Variants in STRN observed in about 807,000 individuals in gnomAD.
STRN encodes the protein protein phosphatase 2 regulatory subunit B'''alpha.
In STRN, 53 loss-of-function variants were observed where a neutral mutation model predicts 96.3. That is an observed-to-expected ratio of 0.55 (90% CI 0.44 to 0.69). The LOEUF is 0.69. Among genes scored for constraint, STRN ranks in the 30% least tolerant of loss-of-function variants. STRN has a pLI of 0.00. For synonymous variants in STRN, 428 were observed against 355.9 expected, an observed-to-expected ratio of 1.20 and a Z score of -2.28; for missense variants, 987 against 963.9, an observed-to-expected ratio of 1.02 and a Z score of -0.32.
intron 1 of STRN, among the ~76,000 whole-genome samples, chr2:36,928,695 A>C (rs1424276588): frequency 6.7e-6 from 1 of 150,118 alleles, no homozygotes; most frequent in Non-Finnish European, 1.5e-5. Context: ...CTGTAATCCC[A>C]GCACTTTGGG....
At chr2:36,875,865 G>C (rs748779464) in intron 10 of STRN, among the ~76,000 whole-genome samples, 4 of 152,114 alleles carry the variant, frequency 2.6e-5, no homozygotes, top group Non-Finnish European at 4.4e-5. Flanking sequence ...CACTGTGTTA[G>C]CCAGGATGGT....
intron 2 of STRN, 130 bp downstream of exon 2, chr2:36,924,975 G>C (rs535341621): frequency 2.9e-6 from 2 of 696,486 alleles, no homozygotes; most frequent in East Asian, 2.9e-5. Context: ...AGAATTGCTT[G>C]AAACCGGGAG....
At chr2:36,904,593 G>A (rs1039066376) in intron 4 of STRN, among the ~76,000 whole-genome samples, 3 of 152,192 alleles carry the variant, frequency 2.0e-5, no homozygotes, top group Admixed American at 1.3e-4. Context: ...TTGGGAGGCC[G>A]AGGTGGGGAG....
chr2:36,964,794 A>G (rs1325785767), intron 1 of STRN, among the ~76,000 whole-genome samples: 1 of 152,170 alleles, frequency 6.6e-6, no homozygotes, highest in Non-Finnish European at 1.5e-5. Context: ...ATTATATTCT[A>G]TAGGCGCATT....
rs886993128 is a variant in STRN at position 36,839,256 on chromosome 2, C to A, written c.*10200G>T. On this transcript the variant is annotated 3_prime_UTR_variant, in exon 18 of 18. Transcript: ENST00000263918. ...CTGCTCTATTTTTTTTCCCTCTGCA[C>A]TTATCACTAATATTCCCTATATTTT... Among the ~76,000 whole-genome samples, 3 of 152,074 alleles carry A rather than the reference C, an allele frequency of 2.0e-5. No homozygotes were observed. In the East Asian group the frequency reaches 5.8e-4, roughly 29 times the overall value.
Position 36,902,704 on chromosome 2 carries a change from G to A in STRN, c.539C>T (p.Ser180Phe), listed in dbSNP as rs1320767505. 1 of 1,610,496 alleles carries A rather than the reference G, an allele frequency of 6.2e-7. No homozygotes were observed. Among genetic ancestry groups the A allele is most frequent in the South Asian group, 1.1e-5 (1 of 90,698 alleles). ...GCCCAACAAAGCTCGCACTCGTTTAGATTTCACATCTAGAATAGTATCTGT... is the reference window on the plus strand; with the variant it reads ...GCCCAACAAAGCTCGCACTCGTTTAAATTTCACATCTAGAATAGTATCTGT... Reference protein sequence around the residue: ...GYTDTILDVKSKRVRALLGFS... With the variant: ...GYTDTILDVKFKRVRALLGFS... Residue 180 changes from serine to phenylalanine, a missense_variant, in exon 5 of 18, where the codon TCT becomes TTT. Transcript: ENST00000263918.
At chr2:36,935,486 T>C (rs1670679230) in intron 1 of STRN, among the ~76,000 whole-genome samples, 2 of 152,220 alleles carry the variant, frequency 1.3e-5, no homozygotes, top group South Asian at 4.1e-4. Flanking sequence ...TATGACATAA[T>C]TATTGTCTTG....
intron 10 of STRN, among the ~76,000 whole-genome samples, chr2:36,874,075 G>A (rs1668837693): frequency 2.0e-5 from 3 of 149,518 alleles, no homozygotes; most frequent in South Asian, 4.3e-4. Context: ...CTAACACGGT[G>A]AAAACCCCAT....
chr2:36,933,682 G>A (rs1437010726), intron 1 of STRN, among the ~76,000 whole-genome samples: 1 of 152,172 alleles, frequency 6.6e-6, no homozygotes, highest in Non-Finnish European at 1.5e-5. Flanking sequence ...ACAGCTCACT[G>A]TAGTCTTGAC....
chr2:36,896,206 T>A (rs1045782830), intron 6 of STRN, among the ~76,000 whole-genome samples: 8 of 152,166 alleles, frequency 5.3e-5, no homozygotes, highest in Admixed American at 3.9e-4. Flanking sequence ...ATTTTCAACA[T>A]TAAATATTAG....
chr2:36,886,924 G>T, intron 7 of STRN, 98 bp from the exon 8 acceptor site: 6 of 877,302 alleles, frequency 6.8e-6, no homozygotes, highest in South Asian at 2.2e-5. Context: ...TTTCTTTATA[G>T]TATCACTAAC....
chr2:36,879,367 G>C (rs1266873559), intron 9 of STRN, among the ~76,000 whole-genome samples: 2 of 152,240 alleles, frequency 1.3e-5, no homozygotes, highest in Non-Finnish European at 2.9e-5. Context: ...ACCACGCCCA[G>C]CGAGAAAATT....
Position 36,902,679 on chromosome 2 carries a change from G to C in STRN, c.564C>G (p.Gly188=), listed in dbSNP as rs1669718422. ...CCCTGTCCGTGACATCACTTGAAAA[G>C]CCCAACAAAGCTCGCACTCGTTTAG... is the stretch of plus-strand genomic sequence containing the variant. ...VKSKRVRALL[G]FSSDVTDRED... is the part of the protein sequence containing the mutation. The change falls in exon 5 of 18, where the codon GGC becomes GGG. Residue 188 remains glycine, a synonymous_variant. Transcript: ENST00000263918. 1 of 1,612,016 alleles carries C rather than the reference G, an allele frequency of 6.2e-7. No homozygotes were observed. Among genetic ancestry groups the C allele is most frequent in the African/African-American group, 1.3e-5 (1 of 75,022 alleles).
Position 36,841,655 on chromosome 2 carries a change from T to C in STRN, c.*7801A>G, listed in dbSNP as rs1667954863. ...TCACTTGGCTACTTTAGGATATTTC[T>C]TACATGCCTGGTCTTCATCCTGACA... On this transcript the variant is annotated 3_prime_UTR_variant, in exon 18 of 18. Coordinates refer to ENST00000263918, the MANE Select transcript of STRN (RefSeq NM_003162.4). 6.6e-6 allele frequency: 1 copy of C among 152,258 alleles called. No homozygotes were observed. Among genetic ancestry groups the C allele is most frequent in the Non-Finnish European group, 1.5e-5 (1 of 68,052 alleles). 9.4% of individuals were successfully genotyped at this position (152,258 alleles called of 1,614,324 possible).
intron 7 of STRN, among the ~76,000 whole-genome samples, chr2:36,889,123 T>G (rs1669320129): frequency 6.6e-6 from 1 of 152,190 alleles, no homozygotes; most frequent in Admixed American, 6.5e-5. Context: ...TAGTTGAATG[T>G]AAGCACCAGA....
intron 10 of STRN, among the ~76,000 whole-genome samples, chr2:36,874,072 G>C (rs927470540): frequency 5.3e-5 from 8 of 151,106 alleles, no homozygotes; most frequent in Non-Finnish European, 7.4e-5. Context: ...TGGCTAACAC[G>C]GTGAAAACCC....
At chr2:36,876,202 C>A (rs1488549330) in intron 10 of STRN, among the ~76,000 whole-genome samples, 2 of 149,142 alleles carry the variant, frequency 1.3e-5, no homozygotes, top group African/African-American at 5.1e-5. Flanking sequence ...CCCGGTGGGG[C>A]GGAGGGTGCA....
chr2:36,942,679 G>A (rs1443988371), intron 1 of STRN, among the ~76,000 whole-genome samples: 1 of 152,048 alleles, frequency 6.6e-6, no homozygotes, highest in Non-Finnish European at 1.5e-5. Flanking sequence ...ATCTCTCCCA[G>A]TACTGGGTGT....
intron 12 of STRN, among the ~76,000 whole-genome samples, chr2:36,866,493 A>T (rs1301705544): frequency 1.3e-5 from 2 of 152,176 alleles, no homozygotes; most frequent in Non-Finnish European, 2.9e-5. Context: ...GCCATGTACA[A>T]ATGAGAAGAA....
Sources: allele counts gnomAD v4.1 joint callset (sites outside exome capture counted in the v4.1 genomes callset), GRCh38; gene constraint gnomAD v4.1.1; transcripts MANE v1.5; gene names NCBI Gene and HGNC (gene_info 2026-07-23, HGNC 2026-07-21).